CDC73: variants seen among roughly 807,000 people sequenced by gnomAD.
The protein encoded by CDC73 is parafibromin.
Under a neutral mutation model 83.7 loss-of-function variants are expected in CDC73, and 21 were observed. That is an observed-to-expected ratio of 0.25 (90% CI 0.18 to 0.36). The LOEUF (loss-of-function observed/expected upper bound fraction) is 0.36. Among genes scored for constraint, CDC73 ranks in the 10% least tolerant of loss-of-function variants. The pLI is 1.00. For missense variants in CDC73, 342 were observed against 653.3 expected, an observed-to-expected ratio of 0.52 and a Z score of 5.19; for synonymous variants, 224 against 212.9, an observed-to-expected ratio of 1.05 and a Z score of -0.45.
intron 15 of CDC73, among the ~76,000 whole-genome samples, chr1:193,237,641 G>T (rs1006462049): frequency 6.6e-6 from 1 of 152,128 alleles, no homozygotes; most frequent in African/African-American, 2.4e-5. Flanking sequence ...CGAGGCAGTG[G>T]TGACCACGTT....
chr1:193,150,437 G>T lies in CDC73; in HGVS notation c.907+55G>T, dbSNP rs181170580. 4.3e-5 allele frequency: 53 copies of T among 1,236,576 alleles called. No individual in the cohort carries two copies. The East Asian group carries it at 1.2e-3, about 28-fold the overall frequency. The allele number at this position is 1,236,576 out of a possible 1,614,324, so 76.6% of individuals were successfully genotyped here. ...AGTGTGGTTGTGTTGAACTTGAGAG[G>T]CAGTGTGGCCTGATGTTTAAGGGTA... On this transcript the variant is annotated intron_variant, in intron 9 of 16. Transcript: ENST00000367435.
intron 10 of CDC73, among the ~76,000 whole-genome samples, chr1:193,165,027 G>A (rs1558294958): frequency 1.3e-5 from 2 of 152,158 alleles, no homozygotes; most frequent in Non-Finnish European, 2.9e-5. Context: ...GGGGAGAGAA[G>A]AGCAGGGATT....
At chr1:193,124,834 G>C (rs1004657325) in intron 1 of CDC73, among the ~76,000 whole-genome samples, 2 of 152,112 alleles carry the variant, frequency 1.3e-5, no homozygotes, top group Non-Finnish European at 2.9e-5. Flanking sequence ...TTCTCTATTG[G>C]TAAAGCCCAG....
At chr1:193,247,361 C>T (rs1010588938) in intron 15 of CDC73, among the ~76,000 whole-genome samples, 17 of 151,904 alleles carry the variant, frequency 1.1e-4, no homozygotes, top group African/African-American at 4.1e-4. Flanking sequence ...TCTGACTGCC[C>T]CACTGACCAA....
chr1:193,155,084 T>C (rs1676183730), intron 10 of CDC73, among the ~76,000 whole-genome samples: 1 of 152,242 alleles, frequency 6.6e-6, no homozygotes, highest in Admixed American at 6.5e-5. Context: ...ATTTCTGTTA[T>C]ATGCAAGACT....
rs1252554973 is a variant in CDC73, at chr1:193,236,344, A to G, written c.1405A>G (p.Ile469Val). The change falls in exon 15 of 17, where the codon ATA becomes GTA. Residue 469 changes from isoleucine to valine, a missense_variant. Ile to Val is a conservative substitution (Grantham distance 29). Around this residue, in one of 3 missense-constraint regions of CDC73, gnomAD observed 239 missense variants for 420.6 expected, o/e 0.57. Coordinates refer to ENST00000367435, the MANE Select transcript of CDC73 (RefSeq NM_024529.5). ...WLLPDGSPVD[I>V]FAKIKAFHLK... ...TTTGCCTGATGGATCACCAGTTGATATATTTGCTAAAAGTAAGATTCTCTT... is the reference window on the plus strand; with the variant it reads ...TTTGCCTGATGGATCACCAGTTGATGTATTTGCTAAAAGTAAGATTCTCTT... The G allele has an allele frequency of 3.8e-6, 6 of 1,598,834 alleles. No individual in the cohort carries two copies. In the African/African-American group the frequency reaches 4.0e-5, roughly 11 times the overall value.
Position 193,203,829 on chromosome 1 carries a change from C to T in CDC73, c.1007C>T (p.Ala336Val), listed in dbSNP as rs1677132521. 1 of 1,613,634 alleles carries T rather than the reference C, an allele frequency of 6.2e-7. No individual in the cohort carries two copies. The highest frequency in any genetic ancestry group is 8.5e-7 in the Non-Finnish European group (1 of 1,179,706). Reference sequence around the variant, plus strand: ...TCTGCCCGGAAGACTCAGACTCCTGCAGCCCAGCCAGTACCAAGACCAGGT... The same window carrying T: ...TCTGCCCGGAAGACTCAGACTCCTGTAGCCCAGCCAGTACCAAGACCAGGT... ...GASARKTQTPAAQPVPRPVSQ... is the reference protein window; with the variant it reads ...GASARKTQTPVAQPVPRPVSQ... The change falls in exon 11 of 17, where the codon GCA (alanine) becomes GTA (valine). Residue 336 changes from alanine (A) to valine (V), a missense_variant. Ala to Val is a moderately conservative substitution (Grantham distance 64, BLOSUM62 0). Transcript: ENST00000367435.
rs975406287 is a variant in CDC73 at position 193,253,287 on chromosome 1, A to G, written c.*2575A>G. On this transcript the variant is annotated 3_prime_UTR_variant, in exon 17 of 17. Transcript: ENST00000367435. Reference sequence around the variant, plus strand: ...ATCAGTATTTTTTTTAAAGTTCTCCAGGTAATTTGAATGTGCAGGAAGGAT... The same window carrying G: ...ATCAGTATTTTTTTTAAAGTTCTCCGGGTAATTTGAATGTGCAGGAAGGAT... The G allele has an allele frequency of 1.3e-5, 3 of 232,436 alleles. No individual in the cohort carries two copies. Among genetic ancestry groups the G allele is most frequent in the Admixed American group, 1.1e-4 (2 of 17,758 alleles). The allele number at this position is 232,436 out of a possible 1,614,324, so 14.4% of individuals were successfully genotyped here. A position where few individuals can be genotyped will look rare whatever the true frequency, so the allele number is the denominator to read the frequency against.
intron 2 of CDC73, among the ~76,000 whole-genome samples, chr1:193,129,675 G>C (rs1342284931): frequency 6.6e-6 from 1 of 150,676 alleles, no homozygotes; most frequent in South Asian, 2.1e-4. Flanking sequence ...ACCACACCCA[G>C]CTAATTTTTG....
In CDC73 at chr1:193,150,398, C is replaced by T. The variant is rs1266330232; in HGVS notation, c.907+16C>T. The T allele has an allele frequency of 6.5e-7, 1 of 1,527,318 alleles. No individual in the cohort carries two copies. The highest frequency in any genetic ancestry group is 1.4e-5 in the African/African-American group (1 of 73,142). The allele number at this position is 1,527,318 out of a possible 1,614,324, so 94.6% of individuals were successfully genotyped here. A position where few individuals can be genotyped will look rare whatever the true frequency, so the allele number is the denominator to read the frequency against. The stretch of plus-strand genomic sequence containing the variant: ...GGAAAAGAAGGCAAGTTGCTTAATT[C>T]TTATCTTCCCCTTAGTGTGGTTGTG... On this transcript the variant is annotated intron_variant, in intron 9 of 16. Coordinates refer to ENST00000367435, the MANE Select transcript of CDC73 (RefSeq NM_024529.5).
At chr1:193,140,530 G>T (rs1164680390) in intron 6 of CDC73, among the ~76,000 whole-genome samples, 1 of 152,154 alleles carries the variant, frequency 6.6e-6, no homozygotes, top group Non-Finnish European at 1.5e-5. Context: ...TATGCGAATT[G>T]CTGGCATCAC....
intron 10 of CDC73, among the ~76,000 whole-genome samples, chr1:193,181,927 A>G (rs551683166): frequency 2.9e-4 from 44 of 152,290 alleles, no homozygotes; most frequent in African/African-American, 9.9e-4. Context: ...TTGTCTTGTT[A>G]CACTGGTCAT....
At chr1:193,231,239 C>A (rs773719211) in intron 13 of CDC73, among the ~76,000 whole-genome samples, 1 of 151,932 alleles carries the variant, frequency 6.6e-6, no homozygotes, top group Non-Finnish European at 1.5e-5. Flanking sequence ...TTTCAGAAGC[C>A]AGAAAAGAGG....
chr1:193,163,286 C>T (rs1045159368), intron 10 of CDC73, among the ~76,000 whole-genome samples: 7 of 151,312 alleles, frequency 4.6e-5, no homozygotes, highest in East Asian at 1.9e-4. Context: ...CGGGTGGATT[C>T]CTTGAGCCCA....
intron 6 of CDC73, among the ~76,000 whole-genome samples, chr1:193,139,695 T>G (rs1410188071): frequency 2.0e-5 from 3 of 152,206 alleles, no homozygotes; most frequent in Admixed American, 6.5e-5. Context: ...CACATCATCT[T>G]TAGCTTTTTT....
At chr1:193,225,536 T>G (rs1444226682) in intron 13 of CDC73, among the ~76,000 whole-genome samples, 1 of 152,112 alleles carries the variant, frequency 6.6e-6, no homozygotes, top group Non-Finnish European at 1.5e-5. Context: ...AATGTAGAAG[T>G]GTTCCCTTTT....
intron 10 of CDC73, among the ~76,000 whole-genome samples, chr1:193,164,979 A>G (rs1676411509): frequency 6.6e-6 from 1 of 152,192 alleles, no homozygotes; most frequent in Non-Finnish European, 1.5e-5. Flanking sequence ...TGAGCTGTAA[A>G]TTTAGGATTA....
At chr1:193,234,195 A>G (rs904959956) in intron 14 of CDC73, among the ~76,000 whole-genome samples, 3 of 129,892 alleles carry the variant, frequency 2.3e-5, no homozygotes, top group African/African-American at 9.2e-5. Flanking sequence ...ACACACACAC[A>G]CACACACACA....
chr1:193,203,905 C>T, intron 11 of CDC73, 53 bp downstream of exon 11: 1 of 1,462,446 alleles, frequency 6.8e-7, no homozygotes, highest in South Asian at 1.1e-5. Context: ...CGTAACAGTG[C>T]AAGTTTTTAG....
Sources: allele counts gnomAD v4.1 joint callset (sites outside exome capture counted in the v4.1 genomes callset), GRCh38; gene constraint gnomAD v4.1.1; regional missense constraint gnomAD v4.1.1; transcripts MANE v1.5; gene names NCBI Gene and HGNC (gene_info 2026-07-23, HGNC 2026-07-21).